Variants in ZNF630 observed in about 807,000 individuals in gnomAD.
ZNF630 encodes the protein dJ54B20.2 (novel KRAB box containing C2H2 type zinc finger protein).
In ZNF630, 5 loss-of-function variants were observed where a neutral mutation model predicts 7.2. The ratio of observed to expected loss-of-function variants is 0.70; its 90% CI spans 0.36 to 1.46. The LOEUF (loss-of-function observed/expected upper bound fraction) is 1.46, where lower values mean the gene tolerates loss of function less well. ZNF630 is among the 40% of genes most tolerant of loss of function. ZNF630 has a pLI of 0.03. For synonymous variants in ZNF630, 158 were observed against 162.8 expected (o/e 0.97, Z 0.23); for missense variants, 461 against 477.0 (o/e 0.97, Z 0.31).
chrX:48,066,908 C>G lies in ZNF630; in HGVS notation c.-22G>C, dbSNP rs1306616039. 10 of 1,203,799 alleles carry G rather than the reference C, an allele frequency of 8.3e-6. No individual in the cohort carries two copies. Among genetic ancestry groups the G allele is most frequent in the Non-Finnish European group, 1.0e-5 (9 of 891,309 alleles). On this transcript the variant is annotated 5_prime_UTR_variant, in exon 2 of 5. Coordinates refer to ENST00000276054, the MANE Select transcript of ZNF630 (RefSeq NM_001282201.2). ...TCATTTTCTGTTTCTCTTTGGAAAG[C>G]AGTTGGGGGCGGGGTGGGGTGCAGA...
chrX:48,067,119 T>G (rs929054471), intron 1 of ZNF630, 58 bp from the exon 2 acceptor site: 3 of 390,384 alleles, frequency 7.7e-6, no homozygotes, highest in Non-Finnish European at 1.4e-5. Context: ...TTCAACACAG[T>G]TTTGTCTTTA....
At chrX:48,062,717 G>A (rs1556909402) in intron 2 of ZNF630, among the ~76,000 whole-genome samples, 1 of 107,948 alleles carries the variant, frequency 9.3e-6, no homozygotes, top group Non-Finnish European at 1.9e-5. Context: ...CTGGGCGACA[G>A]ACTGAGACTC....
At chrX:48,068,407 T>C (rs955724923) in intron 1 of ZNF630, among the ~76,000 whole-genome samples, 1 of 111,170 alleles carries the variant, frequency 9.0e-6, no homozygotes, top group Non-Finnish European at 1.9e-5. Flanking sequence ...TTCAATTTTG[T>C]GGGTTCTGTG....
chrX:48,068,261 GAGGAAGGAAGGA>G (rs57262250), intron 1 of ZNF630, among the ~76,000 whole-genome samples: 1,474 of 93,227 alleles, frequency 0.016, 41 homozygotes, highest in African/African-American at 0.055. Context: ...GGGAGGGAGA[GAGGAAGGAAGGA>G]AGGAAGGAAG....
chrX:48,058,754 C>T lies in ZNF630; in HGVS notation c.1688G>A (p.Arg563Lys). 1 of 1,207,095 alleles carries T rather than the reference C, an allele frequency of 8.3e-7. No individual in the cohort carries two copies. The highest frequency in any genetic ancestry group is 1.8e-5 in the South Asian group (1 of 56,641). The change falls in exon 5 of 5, where the codon AGA (arginine) becomes AAA (lysine). Residue 563 changes from arginine (R) to lysine (K), a missense_variant. Arg to Lys is a conservative substitution (Grantham distance 26). Coordinates refer to ENST00000276054, the MANE Select transcript of ZNF630 (RefSeq NM_001282201.2). Reference sequence around the variant, plus strand: ...ATAGGGTTTCTCTCCAGTATGACCTCTCTGATGTAGAATGAGATGTGACTT... The same window carrying T: ...ATAGGGTTTCTCTCCAGTATGACCTTTCTGATGTAGAATGAGATGTGACTT... ...SLKSHLILHQ[R>K]GHTGEKPYEC...
At chrX:48,061,346 T>G (rs1556909179) in intron 2 of ZNF630, among the ~76,000 whole-genome samples, 1 of 111,357 alleles carries the variant, frequency 9.0e-6, no homozygotes, top group Non-Finnish European at 1.9e-5. Context: ...GAGAAGACTC[T>G]TCTAAGCATG....
At chrX:48,064,607 C>T (rs1009892006) in intron 2 of ZNF630, among the ~76,000 whole-genome samples, 8 of 111,590 alleles carry the variant, frequency 7.2e-5, no homozygotes, top group South Asian at 3.7e-4. Flanking sequence ...GGACCACAGG[C>T]GCATGCCACC....
chrX:48,068,276 GAAGGAAGGAAGGAAGGAAGGAAGA>G (rs1201008142), intron 1 of ZNF630, among the ~76,000 whole-genome samples: 7 of 108,023 alleles, frequency 6.5e-5, no homozygotes, highest in African/African-American at 2.4e-4. Flanking sequence ...AGGAAGGAAG[GAAGGAAGGAAGGAAGGAAGGAAGA>G]AAGGGAGGAA....
At chrX:48,062,593 G>A (rs908219086) in intron 2 of ZNF630, among the ~76,000 whole-genome samples, 6 of 111,668 alleles carry the variant, frequency 5.4e-5, no homozygotes, top group Non-Finnish European at 9.4e-5. Context: ...AATTAGCCGA[G>A]CATGGTGGTG....
At position 48,059,402 on chromosome X, in the gene ZNF630, T is replaced by C. The variant is rs907281532; in HGVS notation, c.1040A>G (p.Tyr347Cys). The C allele has an allele frequency of 4.1e-6, 5 of 1,208,048 alleles. No individual in the cohort carries two copies. Among genetic ancestry groups the C allele is most frequent in the Middle Eastern group, 2.3e-4 (1 of 4,347 alleles). The change falls in exon 5 of 5, where the codon TAT becomes TGT. Residue 347 changes from tyrosine to cysteine, a missense_variant. Tyr to Cys is a radical substitution (Grantham distance 194, BLOSUM62 -2). Coordinates refer to ENST00000276054, the MANE Select transcript of ZNF630 (RefSeq NM_001282201.2). ...AGCTTTTGGACACTCAAAACACTCA[T>C]AGGGTTTCTCTCCAGTATGGACTCT... ...HQRVHTGEKP[Y>C]ECFECPKAFS...
chrX:48,059,569 A>G lies in ZNF630; in HGVS notation c.873T>C (p.Tyr291=). The change falls in exon 5 of 5, where the codon TAT becomes TAC. Residue 291 remains tyrosine (Y), a synonymous_variant. Transcript: ENST00000276054. ...AGGCTTTCCTACAATCTCCACATAC[A>G]TATGGTTTCTCTCCAGTATGAATTC... The part of the protein sequence containing the change: ...HQRIHTGEKP[Y]VCGDCRKAFS... 1 of 1,208,109 alleles carries G rather than the reference A, an allele frequency of 8.3e-7. No individual in the cohort carries two copies. Among genetic ancestry groups the G allele is most frequent in the Non-Finnish European group, 1.1e-6 (1 of 893,170 alleles).
chrX:48,064,744 G>A (rs781902710), intron 2 of ZNF630, among the ~76,000 whole-genome samples: 8 of 111,912 alleles, frequency 7.1e-5, no homozygotes, highest in Non-Finnish European at 1.3e-4. Flanking sequence ...GATTATAGGC[G>A]TGAATAGCTA....
Position 48,060,025 on chromosome X carries a change from G to T in ZNF630, c.417C>A (p.Val139=). 1 of 1,207,450 alleles carries T rather than the reference G, an allele frequency of 8.3e-7. No individual in the cohort carries two copies. Among genetic ancestry groups the T allele is most frequent in the Non-Finnish European group, 1.1e-6 (1 of 892,791 alleles). Reference sequence around the variant, plus strand: ...TCAATGTTTCACGACTGATGACTGTGACCTGCCTCAAAACTCTGTCTTGAT... The same window carrying T: ...TCAATGTTTCACGACTGATGACTGTTACCTGCCTCAAAACTCTGTCTTGAT... The part of the protein sequence containing the change: ...QGNQDRVLRQ[V]TVISRETLTD... Residue 139 remains valine, a synonymous_variant, in exon 5 of 5, where the codon GTC becomes GTA. Coordinates refer to ENST00000276054, the MANE Select transcript of ZNF630 (RefSeq NM_001282201.2).
At chrX:48,069,841 G>GTTTTTTTTTTTTTTTTTTT (rs1210374790) in intron 1 of ZNF630, among the ~76,000 whole-genome samples, 3 of 41,125 alleles carry the variant, frequency 7.3e-5, no homozygotes, top group African/African-American at 6.1e-5. Flanking sequence ...GACATTGTCT[G>GTTTTTTTTTTTTTTTTTTT]TTTTTTTTTT....
In ZNF630 at chrX:48,059,813, C is replaced by T. The variant is rs782562428; in HGVS notation, c.629G>A (p.Gly210Glu). Residue 210 changes from glycine (G) to glutamate (E), a missense_variant, in exon 5 of 5, where the codon GGG becomes GAG. Transcript: ENST00000276054. Reference protein sequence around the residue: ...RKNPTKRFRCGRPPKYNASCS... With the variant: ...RKNPTKRFRCERPPKYNASCS... ...GGAAGCATTATACTTAGGTGGTCTC[C>T]CACATCTAAATCTCTTAGTGGGGTT... 29 of 1,206,778 alleles carry T rather than the reference C, an allele frequency of 2.4e-5. 2 individuals carry two copies. Among genetic ancestry groups the T allele is most frequent in the Non-Finnish European group, 3.1e-5 (28 of 892,999 alleles).
intron 2 of ZNF630, among the ~76,000 whole-genome samples, chrX:48,063,282 AAG>A (rs1423333027): frequency 9.2e-6 from 1 of 108,960 alleles, no homozygotes; most frequent in African/African-American, 3.4e-5. Flanking sequence ...AAAAAAAAAA[AAG>A]TTTGCAATGT....
In ZNF630 at chrX:48,060,710, A is replaced by T. The variant is rs73207845; in HGVS notation, c.142+109T>A. On this transcript the variant is annotated intron_variant, in intron 3 of 4. Coordinates refer to ENST00000276054, the MANE Select transcript of ZNF630 (RefSeq NM_001282201.2). Reference sequence around the variant, plus strand: ...TATAAACATGAAAAACCAAAACTATAAAAGAACACACTCTATTAAAGGAAT... The same window carrying T: ...TATAAACATGAAAAACCAAAACTATTAAAGAACACACTCTATTAAAGGAAT... 4,432 of 979,345 alleles carry T rather than the reference A, an allele frequency of 4.5e-3. 33 individuals carry two copies. The highest frequency in any genetic ancestry group is 4.0e-3 in the Non-Finnish European group (2,911 of 735,235). The allele number at this position is 979,345 out of a possible 1,213,427, so 80.7% of individuals were successfully genotyped here.
chrX:48,070,406 T>C (rs1396374911), intron 1 of ZNF630, among the ~76,000 whole-genome samples: 3 of 106,151 alleles, frequency 2.8e-5, no homozygotes, highest in Admixed American at 1.0e-4. Context: ...AGGTCAAGAG[T>C]TCGGGACCAG....
chrX:48,065,631 G>A (rs1016402266), intron 2 of ZNF630, among the ~76,000 whole-genome samples: 9 of 106,486 alleles, frequency 8.5e-5, no homozygotes, highest in Non-Finnish European at 1.5e-4. Context: ...TGCAATGAGC[G>A]GATATCGTGC....
Sources: gnomAD v4.1 joint callset for allele counts (sites outside exome capture counted in the v4.1 genomes callset) on GRCh38, gnomAD v4.1.1 for gene constraint, MANE v1.5 for transcripts, NCBI Gene and HGNC (gene_info 2026-07-23, HGNC 2026-07-21) for gene names.